Variants in EVI5L observed in about 807,000 individuals in gnomAD.
The protein encoded by EVI5L is ecotropic viral integration site 5 like.
A neutral mutation model predicts 106.1 loss-of-function variants in EVI5L; 30 were observed. That is an observed-to-expected ratio of 0.28 (90% CI 0.21 to 0.38). EVI5L has a LOEUF of 0.38. EVI5L is among the 10% of genes least tolerant of loss of function. EVI5L has a pLI of 1.00. For missense variants in EVI5L, 809 were observed against 1,098.0 expected, an observed-to-expected ratio of 0.74 and a Z score of 3.72; for synonymous variants, 489 against 483.3, an observed-to-expected ratio of 1.01 and a Z score of -0.15.
chr19:7,841,618 T>A (rs1001747956), intron 1 of EVI5L, among the ~76,000 whole-genome samples: 1 of 151,848 alleles, frequency 6.6e-6, no homozygotes, highest in Admixed American at 6.6e-5. Flanking sequence ...CTTGAGTGGG[T>A]GCTGGCAGGG....
chr19:7,854,824 C>T (rs576720702), intron 10 of EVI5L, among the ~76,000 whole-genome samples: 1 of 152,304 alleles, frequency 6.6e-6, no homozygotes, highest in African/African-American at 2.4e-5. Context: ...TCAGTTTCCC[C>T]ACATGACATG....
Position 7,848,154 on chromosome 19 carries a change from T to C in EVI5L, c.327+233T>C, listed in dbSNP as rs1979050476. Reference sequence around the variant, plus strand: ...TCGAGTGCCCATGTGCTTGCTGCCCTGTAGTGCCCATGAAGGATGGGGGTG... The same window carrying C: ...TCGAGTGCCCATGTGCTTGCTGCCCCGTAGTGCCCATGAAGGATGGGGGTG... On this transcript the variant is annotated intron_variant, in intron 3 of 19. Transcript: ENST00000538904. This position sits in a 1 kb window ranked among gnomAD's most constrained non-coding sequence, Gnocchi z 4.8. Among the ~76,000 whole-genome samples, 1 of 152,118 alleles carries C rather than the reference T, an allele frequency of 6.6e-6. No individual in the cohort carries two copies. Among genetic ancestry groups the C allele is most frequent in the Non-Finnish European group, 1.5e-5 (1 of 68,022 alleles).
In EVI5L at chr19:7,863,839, G is replaced by T; in HGVS notation, c.*137G>T. ...CTCGGCCACCCCTAAAGCGAGGCCC[G>T]GCGAGGCAGCGCAGAGGGTAGGGTC... On this transcript the variant is annotated 3_prime_UTR_variant, in exon 20 of 20. Coordinates refer to ENST00000538904, the MANE Select transcript of EVI5L (RefSeq NM_001159944.3). This position sits in a 1 kb window ranked among gnomAD's most constrained non-coding sequence, Gnocchi z 7.7. The T allele has an allele frequency of 1.6e-6, 2 of 1,261,686 alleles. No individual in the cohort carries two copies. Among genetic ancestry groups the T allele is most frequent in the Non-Finnish European group, 2.1e-6 (2 of 956,354 alleles). 78.2% of individuals were successfully genotyped at this position (1,261,686 alleles called of 1,614,324 possible).
At chr19:7,841,985 G>A (rs1036165055) in intron 1 of EVI5L, among the ~76,000 whole-genome samples, 5 of 152,320 alleles carry the variant, frequency 3.3e-5, no homozygotes, top group East Asian at 3.9e-4. Flanking sequence ...AGCGCTGCTC[G>A]GTGCAGGAAG....
intron 1 of EVI5L, among the ~76,000 whole-genome samples, chr19:7,843,089 G>A (rs575370309): frequency 1.3e-5 from 2 of 150,470 alleles, no homozygotes; most frequent in Non-Finnish European, 3.0e-5. Flanking sequence ...ATAGGTGTGT[G>A]AGTGTGTGAG....
At chr19:7,855,698 G>A (rs1163630443) in intron 10 of EVI5L, among the ~76,000 whole-genome samples, 1 of 152,352 alleles carries the variant, frequency 6.6e-6, no homozygotes, top group East Asian at 1.9e-4. Flanking sequence ...ACTGACCCAC[G>A]TGTGGGAAGG....
chr19:7,832,320 G>A (rs763985185), intron 1 of EVI5L, among the ~76,000 whole-genome samples: 4 of 152,198 alleles, frequency 2.6e-5, no homozygotes, highest in African/African-American at 4.8e-5. Flanking sequence ...GTCCAGTCCC[G>A]CGCAGCCTGG....
chr19:7,849,381 G>A (rs1419383727), intron 5 of EVI5L, 51 bp downstream of exon 5: 1 of 1,600,512 alleles, frequency 6.2e-7, no homozygotes, highest in Admixed American at 1.7e-5. Flanking sequence ...GCCCACCCTG[G>A]GCTCGGCCCC....
In EVI5L at chr19:7,863,743, C is replaced by T. The variant is rs1316376053; in HGVS notation, c.*41C>T. ...GCCCGGAGTCAGGAGGCCGCAGCCG[C>T]GGGGGGCGCCCGGGCAGTCCGCGTT... On this transcript the variant is annotated 3_prime_UTR_variant, in exon 20 of 20. Coordinates refer to ENST00000538904, the MANE Select transcript of EVI5L (RefSeq NM_001159944.3). This position sits in a 1 kb window ranked among gnomAD's most constrained non-coding sequence, Gnocchi z 7.7. 3 of 1,427,694 alleles carry T rather than the reference C, an allele frequency of 2.1e-6. No individual in the cohort carries two copies. The highest frequency in any genetic ancestry group is 3.0e-5 in the African/African-American group (2 of 67,434). 88.4% of individuals were successfully genotyped at this position (1,427,694 alleles called of 1,614,324 possible). A position where few individuals can be genotyped will look rare whatever the true frequency, so the allele number is the denominator to read the frequency against.
chr19:7,845,835 G>T lies in EVI5L; in HGVS notation c.-47-661G>T, dbSNP rs1054182694. 2.0e-5 allele frequency among the ~76,000 whole-genome samples: 3 copies of T among 152,204 alleles called. No individual in the cohort carries two copies. The highest frequency in any genetic ancestry group is 6.5e-5 in the Admixed American group (1 of 15,282). On this transcript the variant is annotated intron_variant, in intron 1 of 19. Transcript: ENST00000538904. This position sits in a 1 kb window ranked among gnomAD's most constrained non-coding sequence, Gnocchi z 4.0. The stretch of plus-strand genomic sequence containing the variant: ...CGTGGCAGGCCAAGATCTGGATACG[G>T]ATCGGAGCCCACAGCTCTGGCTCTG...
In EVI5L at chr19:7,850,734, G is replaced by C. The variant is rs148554521; in HGVS notation, c.753+612G>C. ...TCATGGACGGTGCTGTAGCCTTAGG[G>C]GGCCTGGTAGTGCCACAAGCAGGAG... On this transcript the variant is annotated intron_variant, in intron 6 of 19. Coordinates refer to ENST00000538904, the MANE Select transcript of EVI5L (RefSeq NM_001159944.3). This position sits in a 1 kb window ranked among gnomAD's most constrained non-coding sequence, Gnocchi z 5.4. 2.6e-5 allele frequency among the ~76,000 whole-genome samples: 4 copies of C among 152,236 alleles called. No homozygotes were observed. In the East Asian group the frequency reaches 7.8e-4, roughly 30 times the overall value.
chr19:7,833,179 G>T (rs143416905), intron 1 of EVI5L, among the ~76,000 whole-genome samples: 1 of 152,328 alleles, frequency 6.6e-6, no homozygotes, highest in East Asian at 1.9e-4. Flanking sequence ...GACGGATGAG[G>T]AGGAATGTAT....
rs1979640266 is a variant in EVI5L at position 7,858,374 on chromosome 19, GCGCCCC to G, written c.1374+55_1374+60del. On this transcript the variant is annotated intron_variant, in intron 13 of 19. Coordinates refer to ENST00000538904, the MANE Select transcript of EVI5L (RefSeq NM_001159944.3). The surrounding 1 kb of genome is among the most constrained non-coding windows in gnomAD (Gnocchi z 5.7). ...GGGCTGCTGGGCGGGGCCATGACCC[GCGCCCC>G]CGCCCCCGCCCAACGGTTTTCTTTC... The G allele has an allele frequency of 3.3e-6, 5 of 1,512,072 alleles. No individual in the cohort carries two copies. In the East Asian group the frequency reaches 9.9e-5, roughly 30 times the overall value. The allele number at this position is 1,512,072 out of a possible 1,614,324, so 93.7% of individuals were successfully genotyped here.
chr19:7,860,525 G>A (rs750068959), intron 13 of EVI5L, 36 bp from the exon 14 acceptor site: 77 of 1,537,672 alleles, frequency 5.0e-5, no homozygotes, highest in Non-Finnish European at 6.6e-5. Context: ...CCCCAGCCAT[G>A]GCCTGGGGCC....
intron 1 of EVI5L, among the ~76,000 whole-genome samples, chr19:7,839,396 C>A (rs1358246865): frequency 1.3e-5 from 2 of 151,932 alleles, no homozygotes; most frequent in African/African-American, 4.8e-5. Context: ...ATCAGGAGAC[C>A]CATGTGCCTG....
chr19:7,862,107 G>C lies in EVI5L; in HGVS notation c.1645-15G>C, dbSNP rs759187946. 7.1e-6 allele frequency: 11 copies of C among 1,558,940 alleles called. No individual in the cohort carries two copies. The South Asian group carries it at 1.3e-4, about 18-fold the overall frequency. ...GGCGGAGGCTGACCGCCGGCTTCTC[G>C]GCTTCACCCCCCAGGCCCATCTGGC... On this transcript the variant is annotated splice_polypyrimidine_tract_variant and intron_variant, in intron 15 of 19. Coordinates refer to ENST00000538904, the MANE Select transcript of EVI5L (RefSeq NM_001159944.3).
rs779869481 is a variant in EVI5L, at chr19:7,863,566, A to G, written c.2282A>G (p.Asp761Gly). The G allele has an allele frequency of 6.3e-7, 1 of 1,598,844 alleles. No individual in the cohort carries two copies. Among genetic ancestry groups the G allele is most frequent in the East Asian group, 2.3e-5 (1 of 44,064 alleles). Residue 761 changes from aspartate to glycine, a missense_variant, in exon 20 of 20, where the codon GAC becomes GGC. By Grantham distance (94) the Asp-to-Gly change is moderately conservative. Coordinates refer to ENST00000538904, the MANE Select transcript of EVI5L (RefSeq NM_001159944.3). This position sits in a 1 kb window ranked among gnomAD's most constrained non-coding sequence, Gnocchi z 7.7. ...GTAGGCGTGGGCGCTGCCCTGCAGGACGCATTGTACCCTCTGTCCCCGCGC... is the reference window on the plus strand; with the variant it reads ...GTAGGCGTGGGCGCTGCCCTGCAGGGCGCATTGTACCCTCTGTCCCCGCGC... ...LGVGVGAALQDALYPLSPRDA... is the reference protein window; with the variant it reads ...LGVGVGAALQGALYPLSPRDA...
At chr19:7,862,590 A>G in intron 17 of EVI5L, 56 bp downstream of exon 17, 1 of 1,260,206 alleles carries the variant, frequency 7.9e-7, no homozygotes. Flanking sequence ...ACGCGCCCCT[A>G]CATGAGGCCC....
intron 1 of EVI5L, among the ~76,000 whole-genome samples, chr19:7,846,019 G>A (rs2146422219): frequency 6.6e-6 from 1 of 152,350 alleles, no homozygotes; most frequent in East Asian, 1.9e-4. Flanking sequence ...ATGAGATGGG[G>A]AAGTCAGACA....
Sources: gnomAD v4.1 joint callset for allele counts (sites outside exome capture counted in the v4.1 genomes callset) on GRCh38, gnomAD v4.1.1 for gene constraint, Gnocchi (gnomAD v3.1) non-coding constraint, MANE v1.5 for transcripts, NCBI Gene and HGNC (gene_info 2026-07-23, HGNC 2026-07-21) for gene names.